The following HHAT variants were observed in gnomAD, a reference collection of about 807,000 sequenced individuals.
The protein encoded by HHAT is protein-cysteine N-palmitoyltransferase HHAT.
A neutral mutation model predicts 70.8 loss-of-function variants in HHAT; 47 were observed. The ratio of observed to expected loss-of-function variants is 0.66; its 90% confidence interval spans 0.53 to 0.85. The LOEUF (loss-of-function observed/expected upper bound fraction) is 0.85, where lower values mean the gene tolerates loss of function less well. HHAT is among the 40% of genes least tolerant of loss of function. The pLI is 0.00. For missense variants in HHAT, 609 were observed against 604.8 expected (o/e 1.01, Z -0.07); for synonymous variants, 228 against 247.6 (o/e 0.92, Z 0.74).
At chr1:210,664,161 A>C (rs1244857052) in intron 11 of HHAT, among the ~76,000 whole-genome samples, 5 of 152,234 alleles carry the variant, frequency 3.3e-5, no homozygotes, top group Non-Finnish European at 5.9e-5. Context: ...TTTTGATAAG[A>C]TAACCAGCCC....
At chr1:210,363,210 C>T (rs12141729) in intron 3 of HHAT, among the ~76,000 whole-genome samples, 15,915 of 152,242 alleles carry the variant, frequency 0.1, 1,015 homozygotes, top group Non-Finnish European at 0.15. Context: ...CTAGCCAGAT[C>T]CATCAGAATC....
At chr1:210,378,288 A>G (rs2090380649) in intron 3 of HHAT, among the ~76,000 whole-genome samples, 1 of 152,216 alleles carries the variant, frequency 6.6e-6, no homozygotes, top group African/African-American at 2.4e-5. Context: ...CTGATCTTGG[A>G]TAAGTCTTAC....
At chr1:210,435,092 G>A (rs1030627258) in intron 7 of HHAT, among the ~76,000 whole-genome samples, 16 of 151,778 alleles carry the variant, frequency 1.1e-4, no homozygotes, top group Admixed American at 3.3e-4. Flanking sequence ...AAGTGTATAT[G>A]TGTACCCATT....
intron 11 of HHAT, among the ~76,000 whole-genome samples, chr1:210,625,970 C>T (rs1669752723): frequency 6.6e-6 from 1 of 152,016 alleles, no homozygotes. Context: ...TCAGTGTGCA[C>T]CAGCTGTCTA....
rs756518835 is a variant in HHAT, at chr1:210,418,136, C to G, written c.685-18C>G. On this transcript the variant is annotated intron_variant, in intron 6 of 11. Coordinates refer to ENST00000261458, the MANE Select transcript of HHAT (RefSeq NM_018194.6). ...GAATCAAGGCACCATCGAATGACCT[C>G]TTTTGTTTCCACTTTAGATGCAGCA... The G allele has an allele frequency of 2.6e-5, 42 of 1,613,798 alleles. No individual in the cohort carries two copies. Among genetic ancestry groups the G allele is most frequent in the Non-Finnish European group, 3.5e-5 (41 of 1,179,842 alleles).
At chr1:210,343,395 C>T (rs879833622) in intron 1 of HHAT, among the ~76,000 whole-genome samples, 12 of 152,164 alleles carry the variant, frequency 7.9e-5, no homozygotes, top group Admixed American at 5.2e-4. Context: ...CCTTCAGTCT[C>T]CTAATGACTG....
intron 11 of HHAT, among the ~76,000 whole-genome samples, chr1:210,637,871 A>AAAGGG (rs1553312396): frequency 8.5e-6 from 1 of 117,498 alleles, no homozygotes; most frequent in Non-Finnish European, 1.8e-5. Context: ...AAAAAAAAAA[A>AAAGGG]GGGGGGGGCA....
At chr1:210,661,277 C>T (rs186091505) in intron 11 of HHAT, among the ~76,000 whole-genome samples, 106 of 152,266 alleles carry the variant, frequency 7.0e-4, no homozygotes, top group African/African-American at 2.5e-3. Context: ...ACTTCTCAAA[C>T]GAAGACATTT....
chr1:210,593,309 G>C (rs532387669), intron 10 of HHAT, among the ~76,000 whole-genome samples: 2 of 152,040 alleles, frequency 1.3e-5, no homozygotes, highest in Non-Finnish European at 2.9e-5. Flanking sequence ...TGATGTAGGT[G>C]CCTATAGCTA....
chr1:210,415,879 G>A (rs899860980), intron 6 of HHAT, among the ~76,000 whole-genome samples: 3 of 151,982 alleles, frequency 2.0e-5, no homozygotes, highest in Non-Finnish European at 4.4e-5. Context: ...GGCTGGTCTT[G>A]AACTCCTGAC....
chr1:210,441,776 A>G (rs926732321), intron 7 of HHAT, among the ~76,000 whole-genome samples: 3 of 148,452 alleles, frequency 2.0e-5, no homozygotes, highest in Non-Finnish European at 4.4e-5. Flanking sequence ...CACAATAAAT[A>G]TATATATAAA....
chr1:210,395,550 C>T (rs537100080), intron 4 of HHAT, among the ~76,000 whole-genome samples: 2 of 152,168 alleles, frequency 1.3e-5, no homozygotes, highest in African/African-American at 4.8e-5. Flanking sequence ...GTACCTGTGC[C>T]CCATCAGTTG....
intron 9 of HHAT, among the ~76,000 whole-genome samples, chr1:210,520,387 C>T (rs998970603): frequency 9.2e-5 from 14 of 152,160 alleles, no homozygotes; most frequent in African/African-American, 3.4e-4. Flanking sequence ...GGACTTACTC[C>T]TGCCATTTTG....
intron 9 of HHAT, among the ~76,000 whole-genome samples, chr1:210,529,972 T>C (rs985101350): frequency 2.6e-5 from 4 of 152,184 alleles, no homozygotes; most frequent in African/African-American, 9.7e-5. Flanking sequence ...TAAATAAGCA[T>C]GGTAAAGGCA....
chr1:210,547,872 G>T (rs952168556), intron 9 of HHAT, among the ~76,000 whole-genome samples: 13 of 152,304 alleles, frequency 8.5e-5, no homozygotes, highest in African/African-American at 3.1e-4. Context: ...CAGCCAGGTG[G>T]ACATCTTAAG....
intron 7 of HHAT, 89 bp downstream of exon 7, chr1:210,418,414 G>T: frequency 1.6e-6 from 2 of 1,237,068 alleles, no homozygotes; most frequent in South Asian, 1.5e-5. Flanking sequence ...GTGAGCAGGG[G>T]TGCAGGTGCC....
intron 11 of HHAT, among the ~76,000 whole-genome samples, chr1:210,664,196 C>T (rs562133865): frequency 2.0e-4 from 31 of 152,222 alleles, no homozygotes; most frequent in Non-Finnish European, 3.2e-4. Flanking sequence ...GCTCCTGCCT[C>T]ATAGGCTTAT....
chr1:210,466,207 C>G (rs2094105931), intron 8 of HHAT, among the ~76,000 whole-genome samples: 1 of 152,198 alleles, frequency 6.6e-6, no homozygotes, highest in Non-Finnish European at 1.5e-5. Context: ...GAAGGAATTG[C>G]AAGGTTTCTT....
intron 9 of HHAT, among the ~76,000 whole-genome samples, chr1:210,584,270 A>T (rs1030248757): frequency 6.6e-6 from 1 of 151,892 alleles, no homozygotes; most frequent in African/African-American, 2.4e-5. Context: ...GTGAGATAAG[A>T]TTAAAAAAAA....
Sources: gnomAD v4.1 joint callset for allele counts (sites outside exome capture counted in the v4.1 genomes callset) on GRCh38, gnomAD v4.1.1 for gene constraint, MANE v1.5 for transcripts, NCBI Gene and HGNC (gene_info 2026-07-23, HGNC 2026-07-21) for gene names.